Variants in TICAM1 observed in about 807,000 individuals in gnomAD.
TICAM1 encodes the protein TIR domain-containing adapter molecule 1.
For missense variants in TICAM1, 895 were observed against 938.2 expected (o/e 0.95, Z 0.60); for synonymous variants, 439 against 415.4 (o/e 1.06, Z -0.69).
rs2093593934 is a variant in TICAM1 at position 4,819,672 on chromosome 19, A to C, written c.-139-1156T>G. ...CGGCTCACCTGAGGTCAGGAGTTCA[A>C]GACCAGCCTGGCCAACATGGTGAAA... is the stretch of plus-strand genomic sequence containing the variant. On this transcript the variant is annotated intron_variant, in intron 1 of 1. Transcript: ENST00000248244. Among the ~76,000 whole-genome samples, 3 of 152,172 alleles carry C rather than the reference A, an allele frequency of 2.0e-5. 1 individual carries two copies. The highest frequency in any genetic ancestry group is 4.4e-5 in the Non-Finnish European group (3 of 68,034).
chr19:4,828,624 C>G (rs915691500), intron 1 of TICAM1, among the ~76,000 whole-genome samples: 7 of 151,930 alleles, frequency 4.6e-5, no homozygotes, highest in African/African-American at 1.7e-4. Context: ...GCCTCCGCAT[C>G]CTGGGCTCAA....
At chr19:4,822,476 T>G (rs912470430) in intron 1 of TICAM1, among the ~76,000 whole-genome samples, 1 of 151,998 alleles carries the variant, frequency 6.6e-6, no homozygotes, top group Non-Finnish European at 1.5e-5. Context: ...CTCCTGACCT[T>G]GTGTGATCCG....
chr19:4,826,762 G>A (rs2093605995), intron 1 of TICAM1, among the ~76,000 whole-genome samples: 1 of 152,130 alleles, frequency 6.6e-6, no homozygotes, highest in Non-Finnish European at 1.5e-5. Flanking sequence ...GAGTCACACA[G>A]CTCATAAGGG....
Position 4,816,854 on chromosome 19 carries a change from G to T in TICAM1, c.1524C>A (p.Ser508=), listed in dbSNP as rs752723765. The T allele has an allele frequency of 6.2e-7, 1 of 1,612,648 alleles. No individual in the cohort carries two copies. ...AGTGTTCGTCCAGCCGCACCAGCCC[G>T]GAGAGCAGGCTGGCCGTGTCGGAGC... ...QLSSDTASLL[S]GLVRLDEHSQ... is the part of the protein sequence containing the mutation. Residue 508 remains serine, a synonymous_variant, in exon 2 of 2, where the codon TCC becomes TCA. Coordinates refer to ENST00000248244, the MANE Select transcript of TICAM1 (RefSeq NM_182919.4). The surrounding 1 kb of genome is among the most constrained non-coding windows in gnomAD (Gnocchi z 4.3).
At chr19:4,831,092 G>A (rs887932991) in intron 1 of TICAM1, among the ~76,000 whole-genome samples, 20 of 152,080 alleles carry the variant, frequency 1.3e-4, no homozygotes, top group Admixed American at 5.9e-4. Context: ...TGGGGTATTC[G>A]GGAGGGATCC....
chr19:4,830,800 G>A (rs2146185091), intron 1 of TICAM1, among the ~76,000 whole-genome samples: 1 of 152,326 alleles, frequency 6.6e-6, no homozygotes, highest in Admixed American at 6.5e-5. Context: ...TTGGGGACAG[G>A]AGGTAACATT....
At position 4,816,138 on chromosome 19, in the gene TICAM1, C is replaced by T. The variant is rs1600051966; in HGVS notation, c.*101G>A. ...GAAAGTGGCAGATGACCTCATCTTC[C>T]ACTGTCCACAGGGCACAGGGCAGAC... On this transcript the variant is annotated 3_prime_UTR_variant, in exon 2 of 2. Transcript: ENST00000248244. This position sits in a 1 kb window ranked among gnomAD's most constrained non-coding sequence, Gnocchi z 4.3. 1 of 1,357,380 alleles carries T rather than the reference C, an allele frequency of 7.4e-7. No homozygotes were observed. Among genetic ancestry groups the T allele is most frequent in the East Asian group, 2.6e-5 (1 of 38,274 alleles). The allele number at this position is 1,357,380 out of a possible 1,614,324, so 84.1% of individuals were successfully genotyped here. A position where few individuals can be genotyped will look rare whatever the true frequency, so the allele number is the denominator to read the frequency against.
At position 4,818,130 on chromosome 19, in the gene TICAM1, G is replaced by A. The variant is rs1463838095; in HGVS notation, c.248C>T (p.Thr83Ile). 1.2e-6 allele frequency: 2 copies of A among 1,609,098 alleles called. No homozygotes were observed. The highest frequency in any genetic ancestry group is 1.7e-6 in the Non-Finnish European group (2 of 1,179,742). ...VARQWAGVDS[T>I]EDPEEPPDVS... is the part of the protein sequence containing the mutation. ...ATCTGGGGGCTCCTCTGGGTCCTCGGTGCTGTCCACGCCAGCCCACTGGCG... is the reference window on the plus strand; with the variant it reads ...ATCTGGGGGCTCCTCTGGGTCCTCGATGCTGTCCACGCCAGCCCACTGGCG... The change falls in exon 2 of 2, where the codon ACC becomes ATC. Residue 83 changes from threonine to isoleucine, a missense_variant. Thr to Ile is a moderately conservative substitution (Grantham distance 89). Coordinates refer to ENST00000248244, the MANE Select transcript of TICAM1 (RefSeq NM_182919.4). This position sits in a 1 kb window ranked among gnomAD's most constrained non-coding sequence, Gnocchi z 4.0.
chr19:4,818,128 CGGTGCTGTCCACGCCAGCCCACTGGCG>C lies in TICAM1; in HGVS notation c.223_249del (p.Arg75_Thr83del). On this transcript the variant is annotated inframe_deletion, in exon 2 of 2. Transcript: ENST00000248244. The surrounding 1 kb of genome is among the most constrained non-coding windows in gnomAD (Gnocchi z 4.0). ...ACATCTGGGGGCTCCTCTGGGTCCT[CGGTGCTGTCCACGCCAGCCCACTGGCG>C]GGCCACCAGCCGGGCCACCGCATCG... The C allele has an allele frequency of 6.2e-7, 1 of 1,608,838 alleles. No individual in the cohort carries two copies.
At chr19:4,822,026 C>T (rs2093598440) in intron 1 of TICAM1, among the ~76,000 whole-genome samples, 1 of 151,900 alleles carries the variant, frequency 6.6e-6, no homozygotes, top group Non-Finnish European at 1.5e-5. Context: ...ACCTCCACCT[C>T]CCGGATTCAA....
Position 4,816,779 on chromosome 19 carries a change from A to T in TICAM1, c.1599T>A (p.Leu533=), listed in dbSNP as rs781222011. 1 of 1,613,512 alleles carries T rather than the reference A, an allele frequency of 6.2e-7. No individual in the cohort carries two copies. Among genetic ancestry groups the T allele is most frequent in the South Asian group, 1.1e-5 (1 of 91,082 alleles). The change falls in exon 2 of 2, where the codon CTT becomes CTA. Residue 533 remains leucine, a synonymous_variant. Transcript: ENST00000248244. The surrounding 1 kb of genome is among the most constrained non-coding windows in gnomAD (Gnocchi z 4.3). ...TCCTCCACATGGCCTTTCGGGCCTG[A>T]AGCCTGTGGGGCTTGAAGGTGTTGG... The part of the protein sequence containing the change: ...KVANTFKPHR[L]QARKAMWRKE...
In TICAM1 at chr19:4,817,161, T is replaced by G; in HGVS notation, c.1217A>C (p.Glu406Ala). ...CTCCCGAACCCGCAGGGCGATGTGT[T>G]CGTCTGCCCTGGCGTGGAGGATCAC... is the stretch of plus-strand genomic sequence containing the variant. ...NFVILHARAD[E>A]HIALRVREKL... The change falls in exon 2 of 2, where the codon GAA (glutamate) becomes GCA (alanine). Residue 406 changes from glutamate (E) to alanine (A), a missense_variant. Coordinates refer to ENST00000248244, the MANE Select transcript of TICAM1 (RefSeq NM_182919.4). The surrounding 1 kb of genome is among the most constrained non-coding windows in gnomAD (Gnocchi z 4.7). 1.9e-6 allele frequency: 3 copies of G among 1,614,142 alleles called. No homozygotes were observed. Among genetic ancestry groups the G allele is most frequent in the Non-Finnish European group, 1.7e-6 (2 of 1,180,022 alleles).
chr19:4,817,342 T>C lies in TICAM1; in HGVS notation c.1036A>G (p.Thr346Ala), dbSNP rs1019593923. 1.2e-6 allele frequency: 2 copies of C among 1,613,532 alleles called. No individual in the cohort carries two copies. The highest frequency in any genetic ancestry group is 8.5e-7 in the Non-Finnish European group (1 of 1,179,960). Residue 346 changes from threonine (T) to alanine (A), a missense_variant, in exon 2 of 2, where the codon ACC (threonine) becomes GCC (alanine). Thr to Ala is a moderately conservative substitution (Grantham distance 58). Transcript: ENST00000248244. The surrounding 1 kb of genome is among the most constrained non-coding windows in gnomAD (Gnocchi z 4.7). The part of the protein sequence containing the change: ...LSVEDTTSPN[T>A]KPCPPTPTTP... ...GTGGGAGTAGGTGGGCACGGCTTGG[T>C]ATTTGGAGAGGTGGTATCTTCTACA...
chr19:4,821,936 G>C (rs992266910), intron 1 of TICAM1, among the ~76,000 whole-genome samples: 3 of 140,250 alleles, frequency 2.1e-5, no homozygotes, highest in African/African-American at 8.1e-5. Flanking sequence ...GAGCCACCCC[G>C]TCCAGCCTTT....
rs2093591638 is a variant in TICAM1 at position 4,818,389 on chromosome 19, G to A, written c.-12C>T. On this transcript the variant is annotated 5_prime_UTR_variant, in exon 2 of 2. Transcript: ENST00000248244. The surrounding 1 kb of genome is among the most constrained non-coding windows in gnomAD (Gnocchi z 4.0). ...CCTGTGCAGGCCATGGGCACAGGTGGGTGCAGCCTCCGGCAGCAGAAGCTG... is the reference window on the plus strand; with the variant it reads ...CCTGTGCAGGCCATGGGCACAGGTGAGTGCAGCCTCCGGCAGCAGAAGCTG... 1.3e-6 allele frequency: 2 copies of A among 1,565,312 alleles called. No homozygotes were observed. The highest frequency in any genetic ancestry group is 1.9e-5 in the Admixed American group (1 of 52,102).
At chr19:4,821,256 C>G (rs1437532237) in intron 1 of TICAM1, among the ~76,000 whole-genome samples, 1 of 151,834 alleles carries the variant, frequency 6.6e-6, no homozygotes, top group Non-Finnish European at 1.5e-5. Context: ...GTGAATACAC[C>G]AGTATGCAGA....
chr19:4,823,476 A>T (rs1041089020), intron 1 of TICAM1, among the ~76,000 whole-genome samples: 1 of 151,000 alleles, frequency 6.6e-6, no homozygotes, highest in Non-Finnish European at 1.5e-5. Context: ...AAAAAAAAAA[A>T]AAAAAAAAAT....
At chr19:4,823,705 G>A (rs944000015) in intron 1 of TICAM1, among the ~76,000 whole-genome samples, 2 of 152,118 alleles carry the variant, frequency 1.3e-5, no homozygotes, top group Non-Finnish European at 2.9e-5. Context: ...GATGATGTGA[G>A]GAGACCCAGG....
rs765489270 is a variant in TICAM1, at chr19:4,817,828, C to T, written c.550G>A (p.Gly184Ser). ...GTRSLPRPID[G>S]VSDWSQGCSL... Reference sequence around the variant, plus strand: ...CACCCTTGGCTCCAGTCCGAAACACCGTCAATGGGGCGTGGGAGGCTCCTG... The same window carrying T: ...CACCCTTGGCTCCAGTCCGAAACACTGTCAATGGGGCGTGGGAGGCTCCTG... Residue 184 changes from glycine to serine, a missense_variant, in exon 2 of 2, where the codon GGT becomes AGT. Physicochemically the swap from Gly to Ser is moderately conservative, Grantham distance 56. Coordinates refer to ENST00000248244, the MANE Select transcript of TICAM1 (RefSeq NM_182919.4). This position sits in a 1 kb window ranked among gnomAD's most constrained non-coding sequence, Gnocchi z 4.7. 3.9e-5 allele frequency: 63 copies of T among 1,606,750 alleles called. No individual in the cohort carries two copies. In the East Asian group the frequency reaches 1.1e-3, roughly 27 times the overall value.
Sources: gnomAD v4.1 joint callset for allele counts (sites outside exome capture counted in the v4.1 genomes callset) on GRCh38, gnomAD v4.1.1 for gene constraint, Gnocchi (gnomAD v3.1) non-coding constraint, MANE v1.5 for transcripts, NCBI Gene and HGNC (gene_info 2026-07-23, HGNC 2026-07-21) for gene names.